The following TUBB1 variants were observed in gnomAD, a reference collection of about 807,000 sequenced individuals.
The protein encoded by TUBB1 is tubulin beta 1 class VI, also known as tubulin beta-1 chain.
In TUBB1, 28 loss-of-function variants were observed where a neutral mutation model predicts 22.6. That is an observed-to-expected ratio of 1.24 (90% CI 0.92 to 1.70). TUBB1 has a LOEUF of 1.70. Among genes scored for constraint, TUBB1 ranks in the 40% most tolerant of loss-of-function variants. The pLI, the probability that TUBB1 is intolerant of heterozygous loss-of-function variation, is 0.00. For synonymous variants in TUBB1, 226 were observed against 238.0 expected (o/e 0.95, Z 0.46); for missense variants, 577 against 605.5 (o/e 0.95, Z 0.49).
chr20:59,022,020 C>CAAAT (rs1249536562), intron 1 of TUBB1, among the ~76,000 whole-genome samples: 132 of 151,330 alleles, frequency 8.7e-4, no homozygotes, highest in Middle Eastern at 6.8e-3. Flanking sequence ...AACAAACAAA[C>CAAAT]AAACAAACAT....
chr20:59,019,411 C>A, upstream of TUBB1: 1 of 1,324,496 alleles, frequency 7.6e-7, no homozygotes, highest in Non-Finnish European at 1.1e-6. Context: ...GTTGGCCAGT[C>A]CCACCACTGC....
In TUBB1 at chr20:59,023,633, G is replaced by T. The variant is rs570054452; in HGVS notation, c.277+33G>T. The T allele has an allele frequency of 1.4e-5, 22 of 1,609,084 alleles. No individual in the cohort carries two copies. In the South Asian group the frequency reaches 2.3e-4, roughly 17 times the overall value. Reference sequence around the variant, plus strand: ...TTTCCAGAAGGTTCCACCAGGAGGAGGGGGGGATGCTTTACTGGTGCCCTT... The same window carrying T: ...TTTCCAGAAGGTTCCACCAGGAGGATGGGGGGATGCTTTACTGGTGCCCTT... On this transcript the variant is annotated intron_variant, in intron 3 of 3. Coordinates refer to ENST00000217133, the MANE Select transcript of TUBB1 (RefSeq NM_030773.4).
Position 59,024,901 on chromosome 20 carries a change from C to T in TUBB1, c.*118C>T, listed in dbSNP as rs1269613645. The T allele has an allele frequency of 1.1e-6, 1 of 911,732 alleles. No homozygotes were observed. Among genetic ancestry groups the T allele is most frequent in the Non-Finnish European group, 1.8e-6 (1 of 565,304 alleles). 56.5% of individuals were successfully genotyped at this position (911,732 alleles called of 1,614,324 possible). ...TGCAGCACAGTGAATGATATGCACT[C>T]ACCATTAGCTTCGACACAGGGACTG... On this transcript the variant is annotated 3_prime_UTR_variant, in exon 4 of 4. Coordinates refer to ENST00000217133, the MANE Select transcript of TUBB1 (RefSeq NM_030773.4). The surrounding 1 kb of genome is among the most constrained non-coding windows in gnomAD (Gnocchi z 4.9).
intron 2 of TUBB1, 94 bp from the exon 3 acceptor site, chr20:59,023,395 AT>A (rs906571629): frequency 4.7e-5 from 54 of 1,156,768 alleles, no homozygotes; most frequent in African/African-American, 6.1e-5. Context: ...AATATCCATG[AT>A]TTTTTTTGGA....
chr20:59,019,137 T>C, upstream of TUBB1: 1 of 289,086 alleles, frequency 3.5e-6, no homozygotes, highest in Non-Finnish European at 6.8e-6. Context: ...GCCACAGTCA[T>C]CATACCACGG....
At chr20:59,016,942 T>A (rs1189445257), upstream of TUBB1, among the ~76,000 whole-genome samples, 1 of 152,146 alleles carries the variant, frequency 6.6e-6, no homozygotes, top group African/African-American at 2.4e-5. Flanking sequence ...ACAAAAAAGT[T>A]CCAAACTTAG....
upstream of TUBB1, among the ~76,000 whole-genome samples, chr20:59,017,447 T>C (rs889580505): frequency 1.3e-5 from 2 of 152,252 alleles, no homozygotes; most frequent in South Asian, 2.1e-4. Flanking sequence ...TTCTGGTTTA[T>C]AGCTCAGGCC....
At chr20:59,023,363 C>T in intron 2 of TUBB1, 127 bp from the exon 3 acceptor site, 3 of 827,540 alleles carry the variant, frequency 3.6e-6, no homozygotes, top group Non-Finnish European at 6.2e-6. Context: ...CAAATCTCGA[C>T]CTACCAAGGG....
chr20:59,021,448 A>G (rs762840771), intron 1 of TUBB1, among the ~76,000 whole-genome samples: 5 of 152,222 alleles, frequency 3.3e-5, no homozygotes, highest in Non-Finnish European at 5.9e-5. Flanking sequence ...TGTCATTTAG[A>G]AGATATGGCT....
rs1282876520 is a variant in TUBB1 at position 59,023,817 on chromosome 20, G to A, written c.390G>A (p.Leu130=). Residue 130 remains leucine (L), a synonymous_variant, in exon 4 of 4, where the codon CTG becomes CTA. Transcript: ENST00000217133. ...ACGAGAGTGAGAGCTGTGACTGCCT[G>A]CAGGGCTTCCAGATCGTCCACTCCC... ...VRHESESCDC[L]QGFQIVHSLG... 2 of 1,614,200 alleles carry A rather than the reference G, an allele frequency of 1.2e-6. No homozygotes were observed. The highest frequency in any genetic ancestry group is 1.7e-6 in the Non-Finnish European group (2 of 1,180,028).
chr20:59,023,728 T>C lies in TUBB1; in HGVS notation c.301T>C (p.Trp101Arg). The change falls in exon 4 of 4, where the codon TGG (tryptophan) becomes CGG (arginine). Residue 101 changes from tryptophan to arginine, a missense_variant. Coordinates refer to ENST00000217133, the MANE Select transcript of TUBB1 (RefSeq NM_030773.4). ...AGGTAACTCTGGGGCTGGCAACAAC[T>C]GGGCCAAAGGCCACTACACGGAGGG... ...VHGNSGAGNN[W>R]AKGHYTEGAE... The C allele has an allele frequency of 3.7e-6, 6 of 1,614,190 alleles. No individual in the cohort carries two copies. The highest frequency in any genetic ancestry group is 5.1e-6 in the Non-Finnish European group (6 of 1,180,032).
Position 59,024,926 on chromosome 20 carries a change from G to A in TUBB1, c.*143G>A, listed in dbSNP as rs1343789847. ...CACCATTAGCTTCGACACAGGGACT[G>A]AGGGAGACAGGTGGGGAGCAGCTGA... On this transcript the variant is annotated 3_prime_UTR_variant, in exon 4 of 4. Coordinates refer to ENST00000217133, the MANE Select transcript of TUBB1 (RefSeq NM_030773.4). This position sits in a 1 kb window ranked among gnomAD's most constrained non-coding sequence, Gnocchi z 4.9. The A allele has an allele frequency of 1.3e-6, 1 of 778,754 alleles. No homozygotes were observed. Among genetic ancestry groups the A allele is most frequent in the Non-Finnish European group, 2.2e-6 (1 of 454,798 alleles). The allele number at this position is 778,754 out of a possible 1,614,324, so 48.2% of individuals were successfully genotyped here. A position where few individuals can be genotyped will look rare whatever the true frequency, so the allele number is the denominator to read the frequency against.
intron 1 of TUBB1, among the ~76,000 whole-genome samples, chr20:59,022,225 C>T (rs2091970706): frequency 6.7e-6 from 1 of 150,328 alleles, no homozygotes; most frequent in Non-Finnish European, 1.5e-5. Flanking sequence ...GTCCCAGCTA[C>T]TCAGGAGGCT....
chr20:59,024,620 AC>A lies in TUBB1; in HGVS notation c.1194del (p.Tyr398Ter), dbSNP rs1601239696. 1 of 1,614,226 alleles carries A rather than the reference AC, an allele frequency of 6.2e-7. No individual in the cohort carries two copies. Among genetic ancestry groups the A allele is most frequent in the Non-Finnish European group, 8.5e-7 (1 of 1,180,048 alleles). ...MFKRKAFVHW[Y>X]TSEGMDINEF... ...AAAAGGAAAGCTTTTGTGCACTGGTACACCAGCGAAGGGATGGACATAAACG... is the reference window on the plus strand; with the variant it reads ...AAAAGGAAAGCTTTTGTGCACTGGTAACCAGCGAAGGGATGGACATAAACG... On this transcript the variant is annotated frameshift_variant, in exon 4 of 4. Transcript: ENST00000217133. LOFTEE classifies it low-confidence loss of function (END_TRUNC). The surrounding 1 kb of genome is among the most constrained non-coding windows in gnomAD (Gnocchi z 4.9).
chr20:59,023,440 T>TTGATAA (rs1462480676), intron 2 of TUBB1, 50 bp from the exon 3 acceptor site: 1 of 1,546,462 alleles, frequency 6.5e-7, no homozygotes, highest in African/African-American at 1.4e-5. Flanking sequence ...GATAAAACAT[T>TTGATAA]AACTTTTAGA....
Position 59,021,936 on chromosome 20 carries a change from A to G in TUBB1, c.58-909A>G, listed in dbSNP as rs761306837. 5.6e-4 allele frequency among the ~76,000 whole-genome samples: 85 copies of G among 152,156 alleles called. 1 individual carries two copies. The highest frequency in any genetic ancestry group is 9.2e-4 in the Admixed American group (14 of 15,274). ...CTTGAACCCAGGAGGTGGAAGTTGCAGTGAGCCAAGATTGTGCTACGGCAC... is the reference window on the plus strand; with the variant it reads ...CTTGAACCCAGGAGGTGGAAGTTGCGGTGAGCCAAGATTGTGCTACGGCAC... On this transcript the variant is annotated intron_variant, in intron 1 of 3. Transcript: ENST00000217133.
chr20:59,017,973 G>C (rs1253595944), upstream of TUBB1, among the ~76,000 whole-genome samples: 1 of 152,244 alleles, frequency 6.6e-6, no homozygotes, highest in Non-Finnish European at 1.5e-5. Flanking sequence ...AGACGTTAAA[G>C]AGAGGCCTCA....
At chr20:59,016,691 C>T (rs568172090), upstream of TUBB1, among the ~76,000 whole-genome samples, 2 of 152,206 alleles carry the variant, frequency 1.3e-5, no homozygotes, top group East Asian at 3.9e-4. Context: ...ATGGTCTATT[C>T]TTAATTTTAA....
chr20:59,023,765 T>C lies in TUBB1; in HGVS notation c.338T>C (p.Ile113Thr). 1.9e-6 allele frequency: 3 copies of C among 1,614,162 alleles called. No individual in the cohort carries two copies. Among genetic ancestry groups the C allele is most frequent in the Non-Finnish European group, 2.5e-6 (3 of 1,180,026 alleles). The change falls in exon 4 of 4, where the codon ATC (isoleucine) becomes ACC (threonine). Residue 113 changes from isoleucine (I) to threonine (T), a missense_variant. Transcript: ENST00000217133. ...KGHYTEGAEL[I>T]ENVLEVVRHE... is the part of the protein sequence containing the mutation. ...CACTACACGGAGGGAGCCGAGCTGA[T>C]CGAGAATGTCCTAGAGGTGGTGAGG...
Sources: allele counts gnomAD v4.1 joint callset (sites outside exome capture counted in the v4.1 genomes callset), GRCh38; gene constraint gnomAD v4.1.1; non-coding constraint Gnocchi (gnomAD v3.1); transcripts MANE v1.5; gene names NCBI Gene and HGNC (gene_info 2026-07-23, HGNC 2026-07-21).